The following BDH1 variants were observed in gnomAD, a reference collection of about 807,000 sequenced individuals.
The protein encoded by BDH1 is 3-hydroxybutyrate dehydrogenase 1, also known as D-beta-hydroxybutyrate dehydrogenase, mitochondrial.
In BDH1, 30 loss-of-function variants were observed where a neutral mutation model predicts 33.1. The ratio of observed to expected loss-of-function variants is 0.91; its 90% CI spans 0.68 to 1.23. BDH1 has a LOEUF of 1.23. BDH1 is among the 50% of genes most tolerant of loss of function. The pLI, the probability that BDH1 is intolerant of heterozygous loss-of-function variation, is 0.00. For synonymous variants in BDH1, 190 were observed against 183.6 expected, an observed-to-expected ratio of 1.03 and a Z score of -0.28; for missense variants, 443 against 464.4, an observed-to-expected ratio of 0.95 and a Z score of 0.42.
At chr3:197,536,566 C>A (rs1439233608) in intron 3 of BDH1, among the ~76,000 whole-genome samples, 4 of 152,128 alleles carry the variant, frequency 2.6e-5, no homozygotes, top group African/African-American at 9.7e-5. Context: ...TGCGGCCGGG[C>A]ATGGTGGGTC....
intron 1 of BDH1, among the ~76,000 whole-genome samples, chr3:197,570,366 A>G (rs1717567984): frequency 6.6e-6 from 1 of 152,282 alleles, no homozygotes; most frequent in Non-Finnish European, 1.5e-5. Context: ...GGCTGCAGAA[A>G]TTTGCATAAG....
At chr3:197,545,423 C>T (rs565822196) in intron 3 of BDH1, among the ~76,000 whole-genome samples, 4 of 152,378 alleles carry the variant, frequency 2.6e-5, no homozygotes, top group South Asian at 4.1e-4. Context: ...CCTGGCACGA[C>T]GGGCTGAGAA....
rs558938428 is a variant in BDH1 at position 197,525,087 on chromosome 3, G to A, written c.268-2306C>T. Among the ~76,000 whole-genome samples, 1 of 152,210 alleles carries A rather than the reference G, an allele frequency of 6.6e-6. No homozygotes were observed. The highest frequency in any genetic ancestry group is 1.5e-5 in the Non-Finnish European group (1 of 68,038). On this transcript the variant is annotated intron_variant, in intron 5 of 7. Coordinates refer to ENST00000392379, the MANE Select transcript of BDH1 (RefSeq NM_203314.3). The surrounding 1 kb of genome is among the most constrained non-coding windows in gnomAD (Gnocchi z 4.9). Reference sequence around the variant, plus strand: ...TGAGATGCACGGGACAGATGGGCCTGGAGCTCAGGCTGTCATTCCCACAGA... The same window carrying A: ...TGAGATGCACGGGACAGATGGGCCTAGAGCTCAGGCTGTCATTCCCACAGA...
At position 197,562,046 on chromosome 3, in the gene BDH1, A is replaced by T. The variant is rs1165406440; in HGVS notation, c.-44+11135T>A. ...AGAGTCGTGGGCGGATTCTTCTTACATCTAAAGCTCTGTTTTCCTGTATTG... is the reference window on the plus strand; with the variant it reads ...AGAGTCGTGGGCGGATTCTTCTTACTTCTAAAGCTCTGTTTTCCTGTATTG... On this transcript the variant is annotated intron_variant, in intron 1 of 6. Coordinates refer to the BDH1 transcript ENST00000358186. 5.3e-5 allele frequency among the ~76,000 whole-genome samples: 8 copies of T among 152,126 alleles called. No homozygotes were observed. In the South Asian group the frequency reaches 1.2e-3, roughly 24 times the overall value.
intron 2 of BDH1, among the ~76,000 whole-genome samples, chr3:197,553,612 G>T (rs1716755231): frequency 6.9e-6 from 1 of 144,384 alleles, no homozygotes; most frequent in African/African-American, 2.6e-5. Context: ...CTCTCACTGG[G>T]TTAATAAGTT....
upstream of BDH1, among the ~76,000 whole-genome samples, chr3:197,558,824 G>C (rs1717166973): frequency 6.6e-6 from 1 of 152,106 alleles, no homozygotes; most frequent in African/African-American, 2.4e-5. Flanking sequence ...TTGAAGCCTT[G>C]TCTCACAACA....
chr3:197,513,201 C>T (rs1712267928), intron 7 of BDH1, among the ~76,000 whole-genome samples: 1 of 152,222 alleles, frequency 6.6e-6, no homozygotes, highest in Admixed American at 6.5e-5. Flanking sequence ...CCCACAGCTC[C>T]TCCTGGCCCT....
Position 197,512,288 on chromosome 3 carries a change from G to A in BDH1, c.639C>T (p.Phe213=), listed in dbSNP as rs779985174. ...GGCAGTCCGAGAAAGCCTCTACCCC[G>A]AACTTGGTGATGCAGTACGGGGAGC... The part of the protein sequence containing the change: ...PARSPYCITK[F]GVEAFSDCLR... Residue 213 remains phenylalanine, a synonymous_variant, in exon 8 of 8, where the codon TTC becomes TTT. Transcript: ENST00000392379. 8.7e-6 allele frequency: 14 copies of A among 1,612,540 alleles called. No individual in the cohort carries two copies. The highest frequency in any genetic ancestry group is 4.4e-5 in the South Asian group (4 of 91,086).
intron 1 of BDH1, among the ~76,000 whole-genome samples, chr3:197,566,941 T>A (rs1717451659): frequency 6.6e-6 from 1 of 152,194 alleles, no homozygotes; most frequent in Admixed American, 6.5e-5. Flanking sequence ...AAGAAAATAA[T>A]AGCAACCTTA....
rs1157433897 is a variant in BDH1, at chr3:197,554,808, G to C, written c.-195-95C>G. On this transcript the variant is annotated intron_variant, in intron 1 of 7. Transcript: ENST00000392379. This position sits in a 1 kb window ranked among gnomAD's most constrained non-coding sequence, Gnocchi z 4.4. Reference sequence around the variant, plus strand: ...GCAGCCTGGAGGCGGCCGCGCGCAGGACGCACGCCCAAGGCGCCTGGGCCG... The same window carrying C: ...GCAGCCTGGAGGCGGCCGCGCGCAGCACGCACGCCCAAGGCGCCTGGGCCG... The C allele has an allele frequency of 1.3e-5, 2 of 152,262 alleles. No individual in the cohort carries two copies. Among genetic ancestry groups the C allele is most frequent in the Non-Finnish European group, 2.9e-5 (2 of 68,070 alleles). 9.4% of individuals were successfully genotyped at this position (152,262 alleles called of 1,614,324 possible).
At chr3:197,519,976 A>C (rs1172206595) in intron 6 of BDH1, among the ~76,000 whole-genome samples, 1 of 152,050 alleles carries the variant, frequency 6.6e-6, no homozygotes, top group East Asian at 1.9e-4. Flanking sequence ...CGCCAACCAA[A>C]TGTGCCCCCC....
rs1441712726 is a variant in BDH1, at chr3:197,523,995, C to T, written c.268-1214G>A. ...TTTCCTCTAAGTAGACAGCATTTCCCGAGTGTCCACTGTCCTGAGCACTGT... is the reference window on the plus strand; with the variant it reads ...TTTCCTCTAAGTAGACAGCATTTCCTGAGTGTCCACTGTCCTGAGCACTGT... On this transcript the variant is annotated intron_variant, in intron 5 of 7. Coordinates refer to ENST00000392379, the MANE Select transcript of BDH1 (RefSeq NM_203314.3). The surrounding 1 kb of genome is among the most constrained non-coding windows in gnomAD (Gnocchi z 4.5). Among the ~76,000 whole-genome samples, 2 of 152,164 alleles carry T rather than the reference C, an allele frequency of 1.3e-5. No homozygotes were observed. Among genetic ancestry groups the T allele is most frequent in the African/African-American group, 4.8e-5 (2 of 41,414 alleles).
chr3:197,532,596 T>C, intron 4 of BDH1, 74 bp from the exon 5 acceptor site: 1 of 1,091,130 alleles, frequency 9.2e-7, no homozygotes, highest in East Asian at 2.4e-5. Context: ...CTCCACCCTC[T>C]GTGCAGTGAG....
chr3:197,549,007 C>T (rs1238638526), intron 2 of BDH1, among the ~76,000 whole-genome samples: 1 of 152,198 alleles, frequency 6.6e-6, no homozygotes, highest in African/African-American at 2.4e-5. Flanking sequence ...TAGCTGTCTG[C>T]CATCTTCATG....
At chr3:197,519,348 C>T (rs1196848694) in intron 6 of BDH1, among the ~76,000 whole-genome samples, 1 of 152,026 alleles carries the variant, frequency 6.6e-6, no homozygotes, top group Non-Finnish European at 1.5e-5. Flanking sequence ...AGGTGCAAGC[C>T]CAAGATCACA....
chr3:197,540,898 C>T (rs1464247589), intron 3 of BDH1, among the ~76,000 whole-genome samples: 1 of 152,178 alleles, frequency 6.6e-6, no homozygotes, highest in Non-Finnish European at 1.5e-5. Flanking sequence ...CTCACCTGCC[C>T]CCCCCACAGC....
intron 2 of BDH1, among the ~76,000 whole-genome samples, chr3:197,550,787 C>T (rs971508469): frequency 2.0e-5 from 3 of 152,116 alleles, no homozygotes; most frequent in Non-Finnish European, 4.4e-5. Flanking sequence ...CAGCAGCAGC[C>T]GCCTCCCATC....
At chr3:197,571,330 A>G (rs1466948098) in intron 1 of BDH1, among the ~76,000 whole-genome samples, 2 of 152,132 alleles carry the variant, frequency 1.3e-5, no homozygotes, top group East Asian at 3.8e-4. Flanking sequence ...ACTTTGGGAA[A>G]CTGTTGGGAA....
At chr3:197,524,450 T>C (rs1381788941) in intron 5 of BDH1, among the ~76,000 whole-genome samples, 1 of 152,160 alleles carries the variant, frequency 6.6e-6, no homozygotes, top group Admixed American at 6.5e-5. Flanking sequence ...ACCCCGGGAA[T>C]GGAGAAATCA....
Sources: gnomAD v4.1 joint callset for allele counts (sites outside exome capture counted in the v4.1 genomes callset) on GRCh38, gnomAD v4.1.1 for gene constraint, Gnocchi (gnomAD v3.1) non-coding constraint, MANE v1.5 for transcripts, NCBI Gene and HGNC (gene_info 2026-07-23, HGNC 2026-07-21) for gene names.